Variants in NALF1 observed in about 807,000 individuals in gnomAD.
NALF1 encodes the protein NALCN channel auxiliary factor 1, also known as family with sequence similarity 155 member A.
Under a neutral mutation model 48.4 loss-of-function variants are expected in NALF1, and 3 were observed. The observed-to-expected ratio is 0.06, with a 90% CI of 0.03 to 0.16. The LOEUF (loss-of-function observed/expected upper bound fraction) is 0.16, where lower values mean the gene tolerates loss of function less well. Ranked by LOEUF, NALF1 falls within the 10% of genes least tolerant of loss-of-function variation. The pLI is 1.00. For synonymous variants in NALF1, 262 were observed against 245.7 expected (o/e 1.07, Z -0.62); for missense variants, 526 against 571.5 (o/e 0.92, Z 0.81).
intron 1 of NALF1, among the ~76,000 whole-genome samples, chr13:107,493,715 A>T (rs1875225610): frequency 6.6e-6 from 1 of 152,106 alleles, no homozygotes; most frequent in Non-Finnish European, 1.5e-5. Context: ...TGTCTGTAAA[A>T]AAAATAAAAA....
At chr13:107,265,216 T>C (rs1881015135) in intron 1 of NALF1, among the ~76,000 whole-genome samples, 1 of 152,254 alleles carries the variant, frequency 6.6e-6, no homozygotes. Flanking sequence ...TAACTTTTTC[T>C]AACTTTCTAT....
At chr13:107,712,306 A>G (rs1421985784) in intron 1 of NALF1, among the ~76,000 whole-genome samples, 1 of 152,232 alleles carries the variant, frequency 6.6e-6, no homozygotes. Context: ...GTATTAATAA[A>G]CAATGGCATT....
At chr13:107,210,437 C>T (rs1879736654) in intron 2 of NALF1, 147 bp downstream of exon 2, 4 of 611,174 alleles carry the variant, frequency 6.5e-6, no homozygotes, top group Middle Eastern at 4.5e-4. Flanking sequence ...GGGGAGCTTT[C>T]GGTGCTTCTA....
At chr13:107,369,788 T>C (rs953085289) in intron 1 of NALF1, among the ~76,000 whole-genome samples, 1 of 152,218 alleles carries the variant, frequency 6.6e-6, no homozygotes, top group Non-Finnish European at 1.5e-5. Flanking sequence ...CTTGAAATCA[T>C]ATAATATAAT....
intron 1 of NALF1, among the ~76,000 whole-genome samples, chr13:107,679,908 T>G (rs557559855): frequency 6.9e-4 from 105 of 152,348 alleles, no homozygotes; most frequent in Middle Eastern, 6.8e-3. Context: ...TCCATGCAGC[T>G]GTTTCTAAGA....
At chr13:107,233,896 CA>C (rs1445231664) in intron 1 of NALF1, among the ~76,000 whole-genome samples, 6 of 152,190 alleles carry the variant, frequency 3.9e-5, no homozygotes, top group Non-Finnish European at 8.8e-5. Flanking sequence ...GATGATATGA[CA>C]TGATTATTAC....
At position 107,660,436 on chromosome 13, in the gene NALF1, A is replaced by AAC. The variant is rs201215515; in HGVS notation, c.915+205244_915+205245dup. Among the ~76,000 whole-genome samples, 674 of 93,666 alleles carry AAC rather than the reference A, an allele frequency of 7.2e-3. 6 individuals are homozygous for AAC. Among genetic ancestry groups the AAC allele is most frequent in the African/African-American group, 0.026 (462 of 17,918 alleles). The allele number at this position is 93,666 out of a possible 152,430, so 61.4% of individuals were successfully genotyped here. A position where few individuals can be genotyped will look rare whatever the true frequency, so the allele number is the denominator to read the frequency against. On this transcript the variant is annotated intron_variant, in intron 1 of 2. Coordinates refer to ENST00000375915, the MANE Select transcript of NALF1 (RefSeq NM_001080396.3). Reference sequence around the variant, plus strand: ...TGACAGGGCAAGACTCTGTCTCAAAAACACACACACACACACACACACACA... The same window carrying AAC: ...TGACAGGGCAAGACTCTGTCTCAAAAACACACACACACACACACACACACACA...
At position 107,387,936 on chromosome 13, in the gene NALF1, C is replaced by T. The variant is rs143474884; in HGVS notation, c.916-177181G>A. Reference sequence around the variant, plus strand: ...TTTTTGCTTTTCTTTCTTGTCTCTTCATTCTCACTCATTAAAATGTACCAG... The same window carrying T: ...TTTTTGCTTTTCTTTCTTGTCTCTTTATTCTCACTCATTAAAATGTACCAG... On this transcript the variant is annotated intron_variant, in intron 1 of 2. Transcript: ENST00000375915. 9.8e-3 allele frequency among the ~76,000 whole-genome samples: 1,487 copies of T among 152,268 alleles called. 26 individuals carry two copies. The highest frequency in any genetic ancestry group is 0.034 in the African/African-American group (1,425 of 41,534).
rs796199125 is a variant in NALF1, at chr13:107,818,891, A to AAAG, written c.915+46790_915+46791insCTT. The stretch of plus-strand genomic sequence containing the variant: ...CGTCTCAAAAAAAAAAAAAAAAAAA[A>AAAG]AAAAATCCAGTTGAGCAAATATGAG... On this transcript the variant is annotated intron_variant, in intron 1 of 2. Transcript: ENST00000375915. 3.1e-3 allele frequency among the ~76,000 whole-genome samples: 446 copies of AAAG among 141,814 alleles called. 3 individuals are homozygous for AAAG. The highest frequency in any genetic ancestry group is 0.012 in the African/African-American group (417 of 35,192). 93.0% of individuals were successfully genotyped at this position (141,814 alleles called of 152,430 possible).
chr13:107,335,301 A>T (rs1217035185), intron 1 of NALF1, among the ~76,000 whole-genome samples: 2 of 152,176 alleles, frequency 1.3e-5, no homozygotes, highest in Non-Finnish European at 2.9e-5. Context: ...CTTTGTATTA[A>T]GTGATACTTG....
At chr13:107,532,678 C>T (rs1472013061) in intron 1 of NALF1, among the ~76,000 whole-genome samples, 1 of 151,906 alleles carries the variant, frequency 6.6e-6, no homozygotes, top group African/African-American at 2.4e-5. Context: ...CTCTTATAGA[C>T]CTCATTTCAA....
intron 1 of NALF1, among the ~76,000 whole-genome samples, chr13:107,215,292 C>T (rs1412437846): frequency 1.3e-5 from 2 of 152,154 alleles, no homozygotes; most frequent in Non-Finnish European, 2.9e-5. Flanking sequence ...CATTTTGAAA[C>T]TCACTTGCAG....
At chr13:107,488,058 G>A (rs1323839218) in intron 1 of NALF1, among the ~76,000 whole-genome samples, 1 of 151,968 alleles carries the variant, frequency 6.6e-6, no homozygotes, top group Non-Finnish European at 1.5e-5. Flanking sequence ...TATATGCATA[G>A]AGATGTTTAT....
chr13:107,327,511 A>T (rs1178710351), intron 1 of NALF1, among the ~76,000 whole-genome samples: 1 of 152,238 alleles, frequency 6.6e-6, no homozygotes, highest in Non-Finnish European at 1.5e-5. Context: ...CTTTTCTATT[A>T]TCAGGCTTTT....
intron 1 of NALF1, among the ~76,000 whole-genome samples, chr13:107,505,457 A>G (rs1194433867): frequency 6.6e-6 from 1 of 152,198 alleles, no homozygotes; most frequent in African/African-American, 2.4e-5. Flanking sequence ...CTCAGAGACA[A>G]CACTGCAGTG....
intron 1 of NALF1, among the ~76,000 whole-genome samples, chr13:107,727,504 G>C (rs942863867): frequency 4.6e-5 from 7 of 152,124 alleles, no homozygotes; most frequent in Non-Finnish European, 8.8e-5. Context: ...AGGCTTCCTT[G>C]AGTCCAGCAG....
At chr13:107,832,122 C>T (rs888673674) in intron 1 of NALF1, among the ~76,000 whole-genome samples, 2 of 152,030 alleles carry the variant, frequency 1.3e-5, no homozygotes, top group African/African-American at 4.8e-5. Flanking sequence ...TGAACTGAAC[C>T]TACAAGTAAA....
At chr13:107,787,048 G>T (rs746773778) in intron 1 of NALF1, among the ~76,000 whole-genome samples, 5 of 152,122 alleles carry the variant, frequency 3.3e-5, no homozygotes, top group Non-Finnish European at 5.9e-5. Flanking sequence ...ATCATTTCAT[G>T]CTATTATTTC....
At chr13:107,359,053 C>T (rs1883013653) in intron 1 of NALF1, among the ~76,000 whole-genome samples, 1 of 152,136 alleles carries the variant, frequency 6.6e-6, no homozygotes, top group Non-Finnish European at 1.5e-5. Flanking sequence ...GCTTTCATTC[C>T]AGGCCAGCTG....
Sources: allele counts gnomAD v4.1 joint callset (sites outside exome capture counted in the v4.1 genomes callset), GRCh38; gene constraint gnomAD v4.1.1; transcripts MANE v1.5; gene names NCBI Gene and HGNC (gene_info 2026-07-23, HGNC 2026-07-21).